The following IMPG1 variants were observed in gnomAD, a reference collection of about 807,000 sequenced individuals.
IMPG1 encodes interphotoreceptor matrix proteoglycan 1.
IMPG1 carries 85 observed loss-of-function variants against 92.0 expected under a neutral mutation model. That is an observed-to-expected ratio of 0.92 (90% CI 0.78 to 1.11). IMPG1 has a LOEUF of 1.11. Ranked by LOEUF, IMPG1 falls within the 50% of genes least tolerant of loss-of-function variation. The pLI, the probability that IMPG1 is intolerant of heterozygous loss-of-function variation, is 0.00. For synonymous variants in IMPG1, 367 were observed against 334.1 expected (o/e 1.10, Z -1.08); for missense variants, 1,022 against 956.0 (o/e 1.07, Z -0.91).
At chr6:76,038,466 A>C (rs1355679687) in intron 2 of IMPG1, among the ~76,000 whole-genome samples, 1 of 152,194 alleles carries the variant, frequency 6.6e-6, no homozygotes, top group South Asian at 2.1e-4. Flanking sequence ...CTCACAAGCC[A>C]GGAGGCATAG....
At chr6:75,971,463 T>TATA (rs989963115) in intron 12 of IMPG1, among the ~76,000 whole-genome samples, 3 of 151,562 alleles carry the variant, frequency 2.0e-5, no homozygotes, top group African/African-American at 4.9e-5. Context: ...AAACTTAAAG[T>TATA]ATAATAATAA....
At chr6:76,018,977 G>T in intron 6 of IMPG1, 119 bp from the exon 7 acceptor site, 2 of 925,792 alleles carry the variant, frequency 2.2e-6, no homozygotes, top group Non-Finnish European at 3.0e-6. Flanking sequence ...TAAGTGTTTT[G>T]CAATCAAAAT....
intron 15 of IMPG1, among the ~76,000 whole-genome samples, chr6:75,930,369 A>T (rs1207417448): frequency 6.6e-6 from 1 of 152,250 alleles, no homozygotes; most frequent in Non-Finnish European, 1.5e-5. Context: ...AAAATTCCTT[A>T]TAAATCAATT....
chr6:76,003,453 C>T (rs533262312), intron 11 of IMPG1, among the ~76,000 whole-genome samples: 2 of 152,092 alleles, frequency 1.3e-5, no homozygotes, highest in African/African-American at 4.8e-5. Flanking sequence ...ATCAAACCCC[C>T]ATAAATAAAT....
At chr6:76,068,608 T>C (rs1052057265) in intron 1 of IMPG1, among the ~76,000 whole-genome samples, 2 of 150,778 alleles carry the variant, frequency 1.3e-5, no homozygotes, top group African/African-American at 4.9e-5. Flanking sequence ...TCCACCCCTG[T>C]TGAGTTCAAG....
At chr6:75,963,079 A>G (rs1470969178) in intron 12 of IMPG1, among the ~76,000 whole-genome samples, 1 of 152,036 alleles carries the variant, frequency 6.6e-6, no homozygotes, top group Admixed American at 6.6e-5. Flanking sequence ...CATTAACTCC[A>G]GGAAAACAGA....
intron 4 of IMPG1, among the ~76,000 whole-genome samples, chr6:76,027,559 G>A (rs1277728049): frequency 1.3e-5 from 2 of 152,144 alleles, no homozygotes; most frequent in East Asian, 1.9e-4. Context: ...TAGGGTTAAA[G>A]GATTGTATTA....
At chr6:76,016,385 T>C (rs1308868492) in intron 7 of IMPG1, among the ~76,000 whole-genome samples, 1 of 152,232 alleles carries the variant, frequency 6.6e-6, no homozygotes, top group African/African-American at 2.4e-5. Context: ...ACTCTGACTA[T>C]ACTAAGGAAT....
chr6:75,976,537 G>A (rs1469023586), intron 12 of IMPG1, among the ~76,000 whole-genome samples: 1 of 151,986 alleles, frequency 6.6e-6, no homozygotes, highest in Non-Finnish European at 1.5e-5. Context: ...CTCCAGCCTG[G>A]GCGACAGAGC....
rs189960835 is a variant in IMPG1, at chr6:76,067,576, C to G, written c.67+4846G>C. Among the ~76,000 whole-genome samples, 707 of 152,080 alleles carry G rather than the reference C, an allele frequency of 4.6e-3. 2 individuals carry two copies. The highest frequency in any genetic ancestry group is 7.5e-3 in the Non-Finnish European group (508 of 67,960). ...CTCCTAAGAAATAAGAGCCCAGGAC[C>G]AGGTAGATTTACAGCTGATTTCTAC... On this transcript the variant is annotated intron_variant, in intron 1 of 16. Coordinates refer to ENST00000369950, the MANE Select transcript of IMPG1 (RefSeq NM_001563.4).
At chr6:75,987,301 CT>C (rs201510997) in intron 12 of IMPG1, among the ~76,000 whole-genome samples, 9,918 of 142,906 alleles carry the variant, frequency 0.069, 389 homozygotes, top group South Asian at 0.12. Flanking sequence ...GACACACAGT[CT>C]TTTTTTTTTT....
chr6:76,049,631 G>A (rs908367014), intron 1 of IMPG1, among the ~76,000 whole-genome samples: 13 of 152,304 alleles, frequency 8.5e-5, no homozygotes, highest in African/African-American at 3.1e-4. Context: ...TCCACTGATC[G>A]CTTCTGTGAA....
chr6:76,005,692 G>A (rs977275982), intron 9 of IMPG1, among the ~76,000 whole-genome samples, 158 bp from the exon 10 acceptor site: 8 of 151,974 alleles, frequency 5.3e-5, no homozygotes, highest in African/African-American at 1.7e-4. Context: ...ACATTTATCA[G>A]AAACTTAAAA....
intron 14 of IMPG1, among the ~76,000 whole-genome samples, chr6:75,935,826 C>T (rs1781735546): frequency 6.6e-6 from 1 of 152,138 alleles, no homozygotes; most frequent in Non-Finnish European, 1.5e-5. Context: ...ATATTCTTTA[C>T]TAATAGTCAT....
chr6:76,018,771 C>G lies in IMPG1; in HGVS notation c.754G>C (p.Ala252Pro). 5.0e-6 allele frequency: 8 copies of G among 1,613,160 alleles called. No individual in the cohort carries two copies. Among genetic ancestry groups the G allele is most frequent in the Non-Finnish European group, 6.8e-6 (8 of 1,179,684 alleles). ...TGGTAATATGGGGACTGGGAGTCAGCGAGCTCTGCCTTGAACTTCTGGTTT... is the reference window on the plus strand; with the variant it reads ...TGGTAATATGGGGACTGGGAGTCAGGGAGCTCTGCCTTGAACTTCTGGTTT... Reference protein sequence around the residue: ...LVNQKFKAELADSQSPYYQEL... With the variant: ...LVNQKFKAELPDSQSPYYQEL... Residue 252 changes from alanine to proline, a missense_variant, in exon 7 of 17, where the codon GCT (alanine) becomes CCT (proline). By Grantham distance (27) the Ala-to-Pro change is conservative (BLOSUM62 -1). This residue lies in a region of IMPG1 where 681 missense variants were observed against 583.6 expected (regional missense o/e 1.17). Coordinates refer to ENST00000369950, the MANE Select transcript of IMPG1 (RefSeq NM_001563.4).
chr6:75,977,328 C>T (rs1218963125), intron 12 of IMPG1, among the ~76,000 whole-genome samples: 1 of 152,146 alleles, frequency 6.6e-6, no homozygotes, highest in Non-Finnish European at 1.5e-5. Flanking sequence ...TGGCTCACGC[C>T]TGTAATCCCA....
chr6:76,013,572 G>A (rs1015030267), intron 7 of IMPG1, among the ~76,000 whole-genome samples: 3 of 151,988 alleles, frequency 2.0e-5, no homozygotes, highest in Admixed American at 2.0e-4. Context: ...GTTTATTGCA[G>A]TATACCCCAT....
intron 1 of IMPG1, among the ~76,000 whole-genome samples, chr6:76,060,273 A>G (rs1784183055): frequency 6.6e-6 from 1 of 152,192 alleles, no homozygotes; most frequent in Non-Finnish European, 1.5e-5. Context: ...GAATACAACC[A>G]TATGCTTCGA....
intron 6 of IMPG1, among the ~76,000 whole-genome samples, chr6:76,020,539 A>G (rs1783404042): frequency 2.0e-5 from 3 of 151,988 alleles, no homozygotes; most frequent in African/African-American, 7.3e-5. Flanking sequence ...GGTTGTAATG[A>G]AGGGGAAAGG....
Sources: allele counts gnomAD v4.1 joint callset (sites outside exome capture counted in the v4.1 genomes callset), GRCh38; gene constraint gnomAD v4.1.1; regional missense constraint gnomAD v4.1.1; transcripts MANE v1.5; gene names NCBI Gene and HGNC (gene_info 2026-07-23, HGNC 2026-07-21).